Variants in WDR27 observed in about 807,000 individuals in gnomAD.
WDR27 encodes the protein WD repeat domain 27.
Under a neutral mutation model 114.4 loss-of-function variants are expected in WDR27, and 100 were observed. The observed-to-expected ratio is 0.87, with a 90% CI of 0.74 to 1.03. The LOEUF is 1.03. Ranked by LOEUF, WDR27 falls within the 50% of genes least tolerant of loss-of-function variation. The probability of loss-of-function intolerance (pLI) is 0.00; values close to 1 mark genes in which losing one functional copy is unlikely to be tolerated. For missense variants in WDR27, 1,129 were observed against 1,092.9 expected (o/e 1.03, Z -0.47); for synonymous variants, 449 against 423.1 (o/e 1.06, Z -0.75).
chr6:169,512,005 A>C (rs551032983), intron 25 of WDR27, among the ~76,000 whole-genome samples: 8 of 152,222 alleles, frequency 5.3e-5, no homozygotes, highest in Admixed American at 1.3e-4. Context: ...GTATCTGCAG[A>C]TGGCAGTGTA....
chr6:169,622,629 A>G (rs1354369687), intron 21 of WDR27, among the ~76,000 whole-genome samples: 3 of 152,270 alleles, frequency 2.0e-5, no homozygotes, highest in Non-Finnish European at 2.9e-5. Context: ...GAAGTTTAAC[A>G]TAAAATCTAT....
At chr6:169,641,428 T>A (rs1819137569) in intron 17 of WDR27, among the ~76,000 whole-genome samples, 1 of 152,074 alleles carries the variant, frequency 6.6e-6, no homozygotes, top group Admixed American at 6.5e-5. Flanking sequence ...CTCCCTCCTC[T>A]TTTCAGTTGG....
At chr6:169,623,743 T>A (rs1417429366) in intron 21 of WDR27, among the ~76,000 whole-genome samples, 1 of 152,228 alleles carries the variant, frequency 6.6e-6, no homozygotes, top group African/African-American at 2.4e-5. Flanking sequence ...ACTGCACATA[T>A]TTTGGGGTAC....
At chr6:169,608,323 T>A (rs1809709201) in intron 22 of WDR27, among the ~76,000 whole-genome samples, 1 of 152,134 alleles carries the variant, frequency 6.6e-6, no homozygotes, top group Non-Finnish European at 1.5e-5. Context: ...ATGGAACCAA[T>A]CTAAGTGCCC....
chr6:169,457,559 C>A lies in WDR27; in HGVS notation c.*33G>T. 6.5e-7 allele frequency: 1 copy of A among 1,543,272 alleles called. No homozygotes were observed. Among genetic ancestry groups the A allele is most frequent in the Non-Finnish European group, 8.8e-7 (1 of 1,142,518 alleles). On this transcript the variant is annotated 3_prime_UTR_variant, in exon 26 of 26. Coordinates refer to ENST00000448612, the MANE Select transcript of WDR27 (RefSeq NM_182552.5). ...TTTTAAGTTGTTCCTCACAGCATTC[C>A]TGGACCCAGCTCACAGGTCAGTGGT... is the stretch of plus-strand genomic sequence containing the variant.
intron 23 of WDR27, among the ~76,000 whole-genome samples, chr6:169,593,171 T>C (rs564457190): frequency 6.6e-6 from 1 of 152,354 alleles, no homozygotes; most frequent in East Asian, 1.9e-4. Context: ...TCCTTATTTC[T>C]CTATGCTTTA....
At chr6:169,529,701 T>A (rs1432002591) in intron 25 of WDR27, among the ~76,000 whole-genome samples, 1 of 152,216 alleles carries the variant, frequency 6.6e-6, no homozygotes, top group African/African-American at 2.4e-5. Context: ...ATTTAAAATA[T>A]CTATTAGAAT....
rs769507104 is a variant in WDR27 at position 169,672,370 on chromosome 6, CTGA to C, written c.213_215del (p.His71del). The C allele has an allele frequency of 6.2e-7, 1 of 1,609,386 alleles. No homozygotes were observed. Among genetic ancestry groups the C allele is most frequent in the East Asian group, 2.2e-5 (1 of 44,830 alleles). On this transcript the variant is annotated inframe_deletion, in exon 3 of 26. Transcript: ENST00000448612. ...TTCCAAAAGCCATAGCAGTAATTGG[CTGA>C]TGGTGTCCTCGTAGGATTAGAAGCT...
intron 24 of WDR27, among the ~76,000 whole-genome samples, chr6:169,573,630 T>C (rs943707631): frequency 3.3e-5 from 5 of 152,234 alleles, no homozygotes; most frequent in Non-Finnish European, 5.9e-5. Context: ...AGAAAATTGA[T>C]GATTGCGATA....
rs1259389433 is a variant in WDR27, at chr6:169,479,354, T to A, written c.2646-21720A>T. ...ACAATGAGATACCATCTCATACCAA[T>A]CAGAATGGCTATTAAAAAGCCAAAA... On this transcript the variant is annotated intron_variant, in intron 25 of 25. Transcript: ENST00000448612. 2.6e-5 allele frequency among the ~76,000 whole-genome samples: 4 copies of A among 152,028 alleles called. No homozygotes were observed. The East Asian group carries it at 7.7e-4, about 29-fold the overall frequency.
intron 21 of WDR27, among the ~76,000 whole-genome samples, chr6:169,621,815 T>C (rs74935003): frequency 0.096 from 14,557 of 152,062 alleles, 1,455 homozygotes; most frequent in African/African-American, 0.25. Context: ...CATGCATTCA[T>C]ACATATACAC....
At chr6:169,670,735 T>C (rs1778505289) in intron 3 of WDR27, 42 bp from the exon 4 acceptor site, 4 of 1,610,698 alleles carry the variant, frequency 2.5e-6, no homozygotes, top group East Asian at 2.2e-5. Context: ...ACCAAATGCA[T>C]TCAGCATTAC....
At chr6:169,433,699 T>G in the WDR27 span, among the ~76,000 whole-genome samples, 1 of 152,204 alleles carries the variant, frequency 6.6e-6, no homozygotes, top group Non-Finnish European at 1.5e-5. Flanking sequence ...TAATTTACAC[T>G]CCCACCAACT....
At chr6:169,580,073 A>G (rs897267167) in intron 24 of WDR27, among the ~76,000 whole-genome samples, 1 of 152,232 alleles carries the variant, frequency 6.6e-6, no homozygotes, top group Non-Finnish European at 1.5e-5. Context: ...AGATCCAGTC[A>G]TTAGGGGAAA....
At chr6:169,533,556 T>C (rs3006196) in intron 25 of WDR27, among the ~76,000 whole-genome samples, 90,981 of 152,014 alleles carry the variant, frequency 0.6, 29,715 homozygotes, top group East Asian at 0.72. Flanking sequence ...ATGGGTCATC[T>C]ATTCCCTGTG....
In WDR27 at chr6:169,582,135, G is replaced by A. The variant is rs182201169; in HGVS notation, c.2523+701C>T. Among the ~76,000 whole-genome samples, 259 of 152,148 alleles carry A rather than the reference G, an allele frequency of 1.7e-3. 3 individuals carry two copies. The highest frequency in any genetic ancestry group is 6.8e-3 in the Middle Eastern group (2 of 294). ...ATTATACGCGCCCACCACCATGGTC[G>A]GCTCATTTTTGTATTTTTTAGTAGA... On this transcript the variant is annotated intron_variant, in intron 24 of 25. Coordinates refer to ENST00000448612, the MANE Select transcript of WDR27 (RefSeq NM_182552.5).
intron 25 of WDR27, among the ~76,000 whole-genome samples, chr6:169,570,701 C>T (rs2128126654): frequency 6.6e-6 from 1 of 152,214 alleles, no homozygotes; most frequent in Non-Finnish European, 1.5e-5. Flanking sequence ...TGGTGGCGGG[C>T]ACCTGTAATC....
chr6:169,637,481 T>C (rs1420979858), intron 18 of WDR27, among the ~76,000 whole-genome samples: 1 of 152,196 alleles, frequency 6.6e-6, no homozygotes, highest in African/African-American at 2.4e-5. Context: ...GCCTATTGCA[T>C]GTGTATTAAT....
chr6:169,469,817 C>T (rs1786104346), intron 25 of WDR27, among the ~76,000 whole-genome samples: 1 of 152,244 alleles, frequency 6.6e-6, no homozygotes, highest in African/African-American at 2.4e-5. Flanking sequence ...ATAATCCCAT[C>T]TCTATTCCCA....
Sources: gnomAD v4.1 joint callset for allele counts (sites outside exome capture counted in the v4.1 genomes callset) on GRCh38, gnomAD v4.1.1 for gene constraint, MANE v1.5 for transcripts, NCBI Gene and HGNC (gene_info 2026-07-23, HGNC 2026-07-21) for gene names.